Variants in CPEB3 observed in about 807,000 individuals in gnomAD.
CPEB3 encodes cytoplasmic polyadenylation element-binding protein 3.
In CPEB3, 20 loss-of-function variants were observed where a neutral mutation model predicts 67.2. The observed-to-expected ratio is 0.30, with a 90% confidence interval of 0.21 to 0.43. The LOEUF is 0.43. CPEB3 is among the 20% of genes least tolerant of loss of function. The probability of loss-of-function intolerance (pLI) is 1.00; values close to 1 mark genes in which losing one functional copy is unlikely to be tolerated. For missense variants in CPEB3, 746 were observed against 968.6 expected (o/e 0.77, Z 3.05); for synonymous variants, 376 against 393.1 (o/e 0.96, Z 0.51).
chr10:92,188,849 C>G (rs1848824708), intron 3 of CPEB3, among the ~76,000 whole-genome samples: 1 of 152,076 alleles, frequency 6.6e-6, no homozygotes, highest in African/African-American at 2.4e-5. Context: ...AGCTTTTATT[C>G]TATATAATTT....
At position 92,145,084 on chromosome 10, in the gene CPEB3, A is replaced by AT; in HGVS notation, c.1223dup (p.Asn408LysfsTer6). On this transcript the variant is annotated frameshift_variant and splice_region_variant, in exon 5 of 10. Transcript: ENST00000265997. LOFTEE classifies it high-confidence loss of function. ...CACCATGGCTATCATCCAGGAAGGC[A>AT]TCTTCAAAGGGAAAGAGAGAAGATC... 6.2e-7 allele frequency: 1 copy of AT among 1,614,116 alleles called. No individual in the cohort carries two copies.
intron 4 of CPEB3, among the ~76,000 whole-genome samples, chr10:92,160,234 C>T (rs959608149): frequency 2.0e-5 from 3 of 151,990 alleles, no homozygotes; most frequent in Non-Finnish European, 4.4e-5. Context: ...GGTGAGCCAC[C>T]GCGCCCAGCT....
intron 2 of CPEB3, among the ~76,000 whole-genome samples, chr10:92,215,851 C>T (rs1405157576): frequency 3.4e-5 from 5 of 148,878 alleles, no homozygotes; most frequent in Admixed American, 2.1e-4. Flanking sequence ...CAGGTTCAAG[C>T]GATTCTCTTG....
chr10:92,264,357 A>C (rs1852946803), intron 1 of CPEB3, among the ~76,000 whole-genome samples: 1 of 151,424 alleles, frequency 6.6e-6, no homozygotes, highest in Admixed American at 6.6e-5. Context: ...GAAATGATCA[A>C]TAATTTACCC....
At chr10:92,112,457 T>C (rs1036759136) in intron 6 of CPEB3, among the ~76,000 whole-genome samples, 4 of 152,136 alleles carry the variant, frequency 2.6e-5, no homozygotes, top group Non-Finnish European at 5.9e-5. Flanking sequence ...AGGTTCCTCT[T>C]GTAAAGAAAC....
intron 1 of CPEB3, among the ~76,000 whole-genome samples, chr10:92,274,619 T>C (rs1841892134): frequency 6.6e-6 from 1 of 151,982 alleles, no homozygotes; most frequent in Non-Finnish European, 1.5e-5. Flanking sequence ...GGCGGGTGGA[T>C]CATTTGAGGT....
At chr10:92,244,199 T>G (rs986564760) in intron 1 of CPEB3, among the ~76,000 whole-genome samples, 1 of 151,586 alleles carries the variant, frequency 6.6e-6, no homozygotes, top group Non-Finnish European at 1.5e-5. Flanking sequence ...ATACAAAAAT[T>G]AGCTGAGCAT....
At chr10:92,201,091 T>TAAAAG (rs1399045210) in intron 2 of CPEB3, among the ~76,000 whole-genome samples, 1 of 152,000 alleles carries the variant, frequency 6.6e-6, no homozygotes, top group Non-Finnish European at 1.5e-5. Flanking sequence ...GGTGTCTGAC[T>TAAAAG]AAAAGAAAAT....
chr10:92,053,586 G>T (rs1186808663), intron 9 of CPEB3, among the ~76,000 whole-genome samples: 1 of 146,452 alleles, frequency 6.8e-6, no homozygotes, highest in African/African-American at 2.5e-5. Context: ...CTGTCGCCCA[G>T]GCTGGAGTGC....
Position 92,048,387 on chromosome 10 carries a change from T to TCTCTCTCTCA in CPEB3, c.*3824_*3825insTGAGAGAGAG, listed in dbSNP as rs546300433. 7.1e-6 allele frequency: 1 copy of TCTCTCTCTCA among 141,382 alleles called. No homozygotes were observed. The highest frequency in any genetic ancestry group is 2.7e-5 in the African/African-American group (1 of 36,886). The allele number at this position is 141,382 out of a possible 1,614,324, so 8.8% of individuals were successfully genotyped here. A position where few individuals can be genotyped will look rare whatever the true frequency, so the allele number is the denominator to read the frequency against. ...TTCTCTCTCTCTCTCTCTCTCTCTC[T>TCTCTCTCTCA]CACACACACACACACACACACGACA... On this transcript the variant is annotated 3_prime_UTR_variant, in exon 10 of 10. Transcript: ENST00000265997. The surrounding 1 kb of genome is among the most constrained non-coding windows in gnomAD (Gnocchi z 4.1).
chr10:92,111,003 C>G, intron 7 of CPEB3, 73 bp downstream of exon 7: 2 of 1,059,006 alleles, frequency 1.9e-6, no homozygotes, highest in Non-Finnish European at 3.0e-6. Flanking sequence ...TTTCCATTAT[C>G]AGAAAGAGGA....
At chr10:92,191,854 A>T (rs925314990) in intron 3 of CPEB3, among the ~76,000 whole-genome samples, 1 of 152,216 alleles carries the variant, frequency 6.6e-6, no homozygotes, top group African/African-American at 2.4e-5. Context: ...ATCTATCCTG[A>T]ATTTACACAG....
At chr10:92,173,019 C>A (rs1271249394) in intron 4 of CPEB3, among the ~76,000 whole-genome samples, 3 of 152,100 alleles carry the variant, frequency 2.0e-5, no homozygotes, top group African/African-American at 7.2e-5. Flanking sequence ...AGATGTTTTC[C>A]CAGTCCTCCT....
intron 4 of CPEB3, among the ~76,000 whole-genome samples, chr10:92,153,871 C>G (rs1306777480): frequency 1.3e-5 from 2 of 152,132 alleles, no homozygotes; most frequent in African/African-American, 4.8e-5. Flanking sequence ...AACTCATACT[C>G]ATGTAAATGA....
chr10:92,240,215 T>C lies in CPEB3; in HGVS notation c.136A>G (p.Lys46Glu). 6.6e-7 allele frequency: 1 copy of C among 1,510,158 alleles called. No homozygotes were observed. The highest frequency in any genetic ancestry group is 8.9e-7 in the Non-Finnish European group (1 of 1,126,522). The allele number at this position is 1,510,158 out of a possible 1,614,324, so 93.5% of individuals were successfully genotyped here. A position where few individuals can be genotyped will look rare whatever the true frequency, so the allele number is the denominator to read the frequency against. Residue 46 changes from lysine (K) to glutamate (E), a missense_variant, in exon 2 of 10, where the codon AAG becomes GAG. By Grantham distance (56) the Lys-to-Glu change is moderately conservative. Around this residue, in one of 2 missense-constraint regions of CPEB3, gnomAD observed 643 missense variants for 717.5 expected, o/e 0.90. Transcript: ENST00000265997. ...PSTPLSSETP[K>E]PEENSAVPAL... Reference sequence around the variant, plus strand: ...GGCACTGCGCTGTTTTCCTCCGGCTTGGGGGTCTCTGAGGAGAGGGGCGTG... The same window carrying C: ...GGCACTGCGCTGTTTTCCTCCGGCTCGGGGGTCTCTGAGGAGAGGGGCGTG...
chr10:92,210,248 T>C (rs1850012548), intron 2 of CPEB3, among the ~76,000 whole-genome samples: 1 of 152,166 alleles, frequency 6.6e-6, no homozygotes, highest in Non-Finnish European at 1.5e-5. Flanking sequence ...ATTTGAGAAA[T>C]GTGGATAACA....
chr10:92,251,591 G>T (rs1012500117), intron 1 of CPEB3, among the ~76,000 whole-genome samples: 1 of 152,104 alleles, frequency 6.6e-6, no homozygotes, highest in African/African-American at 2.4e-5. Flanking sequence ...TTTCAATAAA[G>T]GGTATTCGAG....
intron 2 of CPEB3, among the ~76,000 whole-genome samples, chr10:92,238,297 AC>A (rs1201524254): frequency 3.3e-5 from 5 of 152,224 alleles, no homozygotes; most frequent in Admixed American, 6.5e-5. Flanking sequence ...CGCCTTTCCA[AC>A]CCAAGATGCC....
At chr10:92,160,532 C>A (rs1847423635) in intron 4 of CPEB3, among the ~76,000 whole-genome samples, 1 of 152,120 alleles carries the variant, frequency 6.6e-6, no homozygotes. Flanking sequence ...TTCCCATCCC[C>A]AATGATGTTA....
Sources: allele counts gnomAD v4.1 joint callset (sites outside exome capture counted in the v4.1 genomes callset), GRCh38; gene constraint gnomAD v4.1.1; regional missense constraint gnomAD v4.1.1; non-coding constraint Gnocchi (gnomAD v3.1); transcripts MANE v1.5; gene names NCBI Gene and HGNC (gene_info 2026-07-23, HGNC 2026-07-21).